The following CLSTN2 variants were observed in gnomAD, a reference collection of about 807,000 sequenced individuals.
CLSTN2 encodes calsyntenin-2.
Under a neutral mutation model 101.2 loss-of-function variants are expected in CLSTN2, and 48 were observed. That is an observed-to-expected ratio of 0.47 (90% confidence interval 0.38 to 0.60). The LOEUF is 0.60. Ranked by LOEUF, CLSTN2 falls within the 20% of genes least tolerant of loss-of-function variation. CLSTN2 has a pLI of 0.00. For synonymous variants in CLSTN2, 481 were observed against 463.6 expected, an observed-to-expected ratio of 1.04 and a Z score of -0.48; for missense variants, 1,160 against 1,238.2, an observed-to-expected ratio of 0.94 and a Z score of 0.95.
chr3:140,091,772 TAA>T (rs1157281069), intron 1 of CLSTN2, among the ~76,000 whole-genome samples: 1 of 152,150 alleles, frequency 6.6e-6, no homozygotes, highest in Non-Finnish European at 1.5e-5. Context: ...ATGATGTACT[TAA>T]AAGTTATATT....
At chr3:139,976,710 C>T (rs963444578) in intron 1 of CLSTN2, among the ~76,000 whole-genome samples, 5 of 152,154 alleles carry the variant, frequency 3.3e-5, no homozygotes, top group East Asian at 1.9e-4. Flanking sequence ...ACTGTGGCCT[C>T]GGACTGGTCA....
intron 2 of CLSTN2, among the ~76,000 whole-genome samples, chr3:140,363,561 A>G (rs147781754): frequency 2.0e-5 from 3 of 152,320 alleles, no homozygotes; most frequent in East Asian, 1.9e-4. Context: ...AGTCTTGGGT[A>G]CCATGGCAGC....
At chr3:140,318,613 T>A (rs1444395648) in intron 2 of CLSTN2, among the ~76,000 whole-genome samples, 2 of 152,204 alleles carry the variant, frequency 1.3e-5, no homozygotes, top group African/African-American at 4.8e-5. Context: ...ATGATTTTCT[T>A]CATGCTATTG....
chr3:140,129,278 C>CAA (rs2009485280), intron 1 of CLSTN2, among the ~76,000 whole-genome samples: 1 of 152,020 alleles, frequency 6.6e-6, no homozygotes, highest in Admixed American at 6.6e-5. Context: ...ACAGATAAGA[C>CAA]AAAGCAGGAA....
At chr3:140,389,079 A>G (rs1247488615) in intron 2 of CLSTN2, among the ~76,000 whole-genome samples, 1 of 152,184 alleles carries the variant, frequency 6.6e-6, no homozygotes, top group African/African-American at 2.4e-5. Flanking sequence ...TAAATTTGCT[A>G]ACATGTATTA....
chr3:140,568,231 AAAAG>A lies in CLSTN2; in HGVS notation c.*1982_*1985del. On this transcript the variant is annotated 3_prime_UTR_variant, in exon 17 of 17. Coordinates refer to ENST00000458420, the MANE Select transcript of CLSTN2 (RefSeq NM_022131.3). ...AAGCATCCTACCAATAGCTGTGAGA[AAAAG>A]AAAAGCTGAATAAGATAAGCTCCTT... 1 of 152,264 alleles carries A rather than the reference AAAAG, an allele frequency of 6.6e-6. No homozygotes were observed. The highest frequency in any genetic ancestry group is 1.9e-4 in the East Asian group (1 of 5,198). The allele number at this position is 152,264 out of a possible 1,614,324, so 9.4% of individuals were successfully genotyped here.
chr3:140,345,996 G>A (rs193106989), intron 2 of CLSTN2, among the ~76,000 whole-genome samples: 3 of 152,304 alleles, frequency 2.0e-5, no homozygotes, highest in Admixed American at 1.3e-4. Context: ...ACCATGCATG[G>A]CTTCCCATGC....
rs532467229 is a variant in CLSTN2 at position 140,307,163 on chromosome 3, G to A, written c.233-96466G>A. Among the ~76,000 whole-genome samples, 5 of 152,196 alleles carry A rather than the reference G, an allele frequency of 3.3e-5. No homozygotes were observed. The East Asian group carries it at 9.7e-4, about 29-fold the overall frequency. On this transcript the variant is annotated intron_variant, in intron 2 of 16. Coordinates refer to ENST00000458420, the MANE Select transcript of CLSTN2 (RefSeq NM_022131.3). ...CCTCCTTGCCTTCCACCATGATTATGAGGCTTCCCCAGCCACATGGAACTG... is the reference window on the plus strand; with the variant it reads ...CCTCCTTGCCTTCCACCATGATTATAAGGCTTCCCCAGCCACATGGAACTG...
rs561301158 is a variant in CLSTN2 at position 140,405,114 on chromosome 3, T to A, written c.637+348T>A. On this transcript the variant is annotated intron_variant, in intron 4 of 16. Coordinates refer to ENST00000458420, the MANE Select transcript of CLSTN2 (RefSeq NM_022131.3). ...GAGCCATGCCATCAGCTTGGCCATA[T>A]CTGGGTCCGTTTCCTATGTAATAAG... is the stretch of plus-strand genomic sequence containing the variant. Among the ~76,000 whole-genome samples the A allele has an allele frequency of 7.2e-5, 11 of 152,296 alleles. No homozygotes were observed. In the South Asian group the frequency reaches 1.5e-3, roughly 20 times the overall value.
intron 8 of CLSTN2, among the ~76,000 whole-genome samples, chr3:140,469,964 A>G (rs1216571182): frequency 6.6e-6 from 1 of 152,110 alleles, no homozygotes; most frequent in Non-Finnish European, 1.5e-5. Context: ...AACATTGTTC[A>G]TCTTTGATCT....
At chr3:140,078,033 T>C (rs2008521764) in intron 1 of CLSTN2, among the ~76,000 whole-genome samples, 1 of 152,146 alleles carries the variant, frequency 6.6e-6, no homozygotes, top group Non-Finnish European at 1.5e-5. Context: ...GAATTTTGGG[T>C]AACACGGTGG....
Position 140,562,178 on chromosome 3 carries a change from A to G in CLSTN2, c.2082A>G (p.Leu694=), listed in dbSNP as rs1935929155. Reference sequence around the variant, plus strand: ...TCTTAGAGGAAATGCTTCATAACTTAGATTTCTGTGACATTTTGGTGATCG... The same window carrying G: ...TCTTAGAGGAAATGCTTCATAACTTGGATTTCTGTGACATTTTGGTGATCG... ...SEVLEEMLHN[L]DFCDILVIGG... is the part of the protein sequence containing the mutation. The change falls in exon 13 of 17, where the codon TTA becomes TTG. Residue 694 remains leucine (L), a synonymous_variant. Transcript: ENST00000458420. The G allele has an allele frequency of 6.2e-7, 1 of 1,613,988 alleles. No individual in the cohort carries two copies. Among genetic ancestry groups the G allele is most frequent in the Non-Finnish European group, 8.5e-7 (1 of 1,179,982 alleles).
At position 140,218,192 on chromosome 3, in the gene CLSTN2, A is replaced by C. The variant is rs536842865; in HGVS notation, c.232+42119A>C. ...CAGCAGAAATTTCCCAATTCTTGTA[A>C]GAAAATGATTAGCTTGATTCGCTGA... On this transcript the variant is annotated intron_variant, in intron 2 of 16. Coordinates refer to ENST00000458420, the MANE Select transcript of CLSTN2 (RefSeq NM_022131.3). Among the ~76,000 whole-genome samples the C allele has an allele frequency of 3.9e-5, 6 of 152,348 alleles. No homozygotes were observed. The South Asian group carries it at 1.0e-3, about 26-fold the overall frequency.
rs1299177368 is a variant in CLSTN2, at chr3:140,547,030, A to AAAGGATGC, written c.1674+359_1674+366dup. Among the ~76,000 whole-genome samples the AAAGGATGC allele has an allele frequency of 6.6e-5, 10 of 152,398 alleles. No individual in the cohort carries two copies. The East Asian group carries it at 1.9e-3, about 29-fold the overall frequency. On this transcript the variant is annotated intron_variant, in intron 10 of 16. Coordinates refer to ENST00000458420, the MANE Select transcript of CLSTN2 (RefSeq NM_022131.3). ...TGTTGTTTATTTGGCTAAAGGAACC[A>AAAGGATGC]AAGGATGCAAGGATGCACATAAAAA...
chr3:140,185,864 C>T (rs1039002549), intron 2 of CLSTN2, among the ~76,000 whole-genome samples: 12 of 152,164 alleles, frequency 7.9e-5, no homozygotes, highest in African/African-American at 7.2e-5. Context: ...GAATGATAGC[C>T]TCAGTTGCTG....
intron 2 of CLSTN2, among the ~76,000 whole-genome samples, chr3:140,386,412 G>A (rs1241848439): frequency 6.6e-6 from 1 of 152,206 alleles, no homozygotes; most frequent in Non-Finnish European, 1.5e-5. Flanking sequence ...GGCAATGGCT[G>A]AAATAACACT....
chr3:140,408,455 AC>A (rs775605910), intron 4 of CLSTN2, among the ~76,000 whole-genome samples: 3 of 152,062 alleles, frequency 2.0e-5, no homozygotes, highest in Non-Finnish European at 4.4e-5. Flanking sequence ...GCTGTCTTCT[AC>A]CCTCAGGATC....
At chr3:139,969,626 A>G (rs756433625) in intron 1 of CLSTN2, among the ~76,000 whole-genome samples, 3 of 152,026 alleles carry the variant, frequency 2.0e-5, no homozygotes, top group Non-Finnish European at 4.4e-5. Context: ...TAGTCTGCAA[A>G]ACACCAACCC....
intron 8 of CLSTN2, among the ~76,000 whole-genome samples, chr3:140,493,738 A>G (rs1934395355): frequency 6.6e-6 from 1 of 152,212 alleles, no homozygotes; most frequent in East Asian, 1.9e-4. Flanking sequence ...TTACTCTTTT[A>G]TTCGTCACAG....
Sources: gnomAD v4.1 joint callset for allele counts (sites outside exome capture counted in the v4.1 genomes callset) on GRCh38, gnomAD v4.1.1 for gene constraint, MANE v1.5 for transcripts, NCBI Gene and HGNC (gene_info 2026-07-23, HGNC 2026-07-21) for gene names.